Variants in GAN observed in about 807,000 individuals in gnomAD.
GAN encodes epididymis secretory sperm binding protein.
GAN carries 48 observed loss-of-function variants against 71.3 expected under a neutral mutation model. The ratio of observed to expected loss-of-function variants is 0.67; its 90% CI spans 0.53 to 0.86. The LOEUF (loss-of-function observed/expected upper bound fraction) is 0.86. Ranked by LOEUF, GAN falls within the 40% of genes least tolerant of loss-of-function variation. The pLI is 0.00. For missense variants in GAN, 928 were observed against 770.1 expected, an observed-to-expected ratio of 1.21 and a Z score of -2.43; for synonymous variants, 386 against 276.8, an observed-to-expected ratio of 1.39 and a Z score of -3.92.
intron 5 of GAN, among the ~76,000 whole-genome samples, chr16:81,361,731 G>T (rs1169616472): frequency 6.6e-6 from 1 of 152,070 alleles, no homozygotes; most frequent in Non-Finnish European, 1.5e-5. Context: ...ATCTCACTTC[G>T]TTGCCCAGGC....
intron 1 of GAN, among the ~76,000 whole-genome samples, chr16:81,316,526 T>A (rs1260124587): frequency 6.6e-6 from 1 of 152,008 alleles, no homozygotes; most frequent in African/African-American, 2.4e-5. Flanking sequence ...TGGGGTAGCA[T>A]CGTTAGTACA....
intron 1 of GAN, among the ~76,000 whole-genome samples, chr16:81,347,011 C>T (rs1910139780): frequency 6.6e-6 from 1 of 152,180 alleles, no homozygotes; most frequent in African/African-American, 2.4e-5. Context: ...TGATAACCAG[C>T]ACAGTGACTG....
intron 5 of GAN, among the ~76,000 whole-genome samples, chr16:81,360,288 A>G (rs1041948579): frequency 1.3e-5 from 2 of 152,102 alleles, no homozygotes; most frequent in Admixed American, 6.5e-5. Context: ...TTGCCTGCAA[A>G]TGTCATTATT....
chr16:81,358,200 A>C (rs1220643237), intron 5 of GAN, among the ~76,000 whole-genome samples: 1 of 152,222 alleles, frequency 6.6e-6, no homozygotes, highest in Non-Finnish European at 1.5e-5. Flanking sequence ...AGCAAACTTC[A>C]GTGATGCTTA....
At chr16:81,317,609 G>C (rs1414066282) in intron 1 of GAN, among the ~76,000 whole-genome samples, 1 of 152,338 alleles carries the variant, frequency 6.6e-6, no homozygotes, top group African/African-American at 2.4e-5. Flanking sequence ...GGGCTCAGTG[G>C]ACATTAGTGA....
intron 2 of GAN, among the ~76,000 whole-genome samples, 197 bp downstream of exon 2, chr16:81,351,894 G>A (rs954473946): frequency 6.6e-6 from 1 of 152,164 alleles, no homozygotes; most frequent in Non-Finnish European, 1.5e-5. Flanking sequence ...GAGAAGCAGA[G>A]GAAGTAAGAT....
intron 1 of GAN, among the ~76,000 whole-genome samples, chr16:81,318,843 C>G (rs1006083206): frequency 6.6e-6 from 1 of 152,188 alleles, no homozygotes; most frequent in Non-Finnish European, 1.5e-5. Flanking sequence ...AGAGAGAGCA[C>G]GTGTCATGCA....
chr16:81,319,540 G>C (rs1446088002), intron 1 of GAN, among the ~76,000 whole-genome samples: 7 of 152,038 alleles, frequency 4.6e-5, no homozygotes, highest in African/African-American at 4.8e-5. Flanking sequence ...TGGTGGCTCT[G>C]TACAGGTTTC....
At chr16:81,362,641 T>C in intron 6 of GAN, 30 bp downstream of exon 6, 1 of 1,097,396 alleles carries the variant, frequency 9.1e-7, no homozygotes, top group Non-Finnish European at 1.4e-6. Flanking sequence ...GTTTGTTTGA[T>C]GTGTTTCTCT....
intron 1 of GAN, among the ~76,000 whole-genome samples, chr16:81,344,284 AAAG>A (rs890420141): frequency 6.6e-6 from 1 of 152,210 alleles, no homozygotes; most frequent in Non-Finnish European, 1.5e-5. Flanking sequence ...TGGAAGCAAA[AAAG>A]AGCCCGCATA....
intron 1 of GAN, among the ~76,000 whole-genome samples, chr16:81,350,953 AC>A (rs1393384816): frequency 6.6e-6 from 1 of 152,254 alleles, no homozygotes. Flanking sequence ...AGCAGAAAGA[AC>A]TAAAGAACCA....
At chr16:81,373,213 G>T (rs952632714) in intron 9 of GAN, among the ~76,000 whole-genome samples, 2 of 152,244 alleles carry the variant, frequency 1.3e-5, no homozygotes, top group African/African-American at 4.8e-5. Context: ...ACAGCATAGA[G>T]TAGGGATGAT....
At chr16:81,345,264 G>C (rs1910079994) in intron 1 of GAN, among the ~76,000 whole-genome samples, 1 of 152,126 alleles carries the variant, frequency 6.6e-6, no homozygotes, top group Non-Finnish European at 1.5e-5. Context: ...TATACCCAAA[G>C]GATTGTAAAT....
At chr16:81,329,945 G>C (rs1297776030) in intron 1 of GAN, among the ~76,000 whole-genome samples, 3 of 152,188 alleles carry the variant, frequency 2.0e-5, no homozygotes, top group Non-Finnish European at 4.4e-5. Flanking sequence ...CCAGTGGGCT[G>C]TCCTCCATTG....
intron 1 of GAN, among the ~76,000 whole-genome samples, chr16:81,346,166 G>C (rs888376542): frequency 6.6e-6 from 1 of 152,182 alleles, no homozygotes. Context: ...AGAACAGTTT[G>C]AGCAAAGAAA....
intron 6 of GAN, 149 bp from the exon 7 acceptor site, chr16:81,363,645 T>C: frequency 2.6e-6 from 2 of 765,134 alleles, no homozygotes; most frequent in South Asian, 3.0e-5. Context: ...TTTCAGCCCT[T>C]GCTCCTCTCC....
chr16:81,336,765 A>C (rs975435860), intron 1 of GAN, among the ~76,000 whole-genome samples: 4 of 152,102 alleles, frequency 2.6e-5, no homozygotes, highest in Admixed American at 6.5e-5. Flanking sequence ...GGTGTGAGCC[A>C]CCATGCCAGA....
intron 1 of GAN, among the ~76,000 whole-genome samples, chr16:81,337,884 A>G (rs1040196138): frequency 3.3e-5 from 5 of 152,226 alleles, no homozygotes; most frequent in Non-Finnish European, 4.4e-5. Context: ...TGCAAGAAGT[A>G]TATTATAAAT....
At position 81,390,208 on chromosome 16, in the gene GAN, A is replaced by C. The variant is rs1904522434; in HGVS notation, c.*12612A>C. 6.6e-6 allele frequency: 1 copy of C among 152,230 alleles called. No individual in the cohort carries two copies. Among genetic ancestry groups the C allele is most frequent in the South Asian group, 2.1e-4 (1 of 4,838 alleles). The allele number at this position is 152,230 out of a possible 1,614,324, so 9.4% of individuals were successfully genotyped here. A position where few individuals can be genotyped will look rare whatever the true frequency, so the allele number is the denominator to read the frequency against. ...GAAGTGCTAGAAGGCTGCAACTTGT[A>C]AAATTGTACTCCCCAAGTTCAGTAG... On this transcript the variant is annotated 3_prime_UTR_variant, in exon 11 of 11. Coordinates refer to ENST00000648994, the MANE Select transcript of GAN (RefSeq NM_022041.4).
Sources: gnomAD v4.1 joint callset for allele counts (sites outside exome capture counted in the v4.1 genomes callset) on GRCh38, gnomAD v4.1.1 for gene constraint, MANE v1.5 for transcripts, NCBI Gene and HGNC (gene_info 2026-07-23, HGNC 2026-07-21) for gene names.